The following NFX1 variants were observed in gnomAD, a reference collection of about 807,000 sequenced individuals.
NFX1 encodes the protein nuclear transcription factor, X-box binding 1.
Under a neutral mutation model 137.2 loss-of-function variants are expected in NFX1, and 69 were observed. That is an observed-to-expected ratio of 0.50 (90% confidence interval 0.41 to 0.61). The LOEUF is 0.61. Ranked by LOEUF, NFX1 falls within the 20% of genes least tolerant of loss-of-function variation. The probability of loss-of-function intolerance (pLI) is 0.00; values close to 1 mark genes in which losing one functional copy is unlikely to be tolerated. For synonymous variants in NFX1, 495 were observed against 474.1 expected (o/e 1.04, Z -0.57); for missense variants, 1,167 against 1,391.0 (o/e 0.84, Z 2.56).
intron 15 of NFX1, among the ~76,000 whole-genome samples, chr9:33,348,928 G>T (rs745829305): frequency 4.6e-5 from 7 of 151,120 alleles, no homozygotes; most frequent in Non-Finnish European, 8.8e-5. Flanking sequence ...GCATCATGAC[G>T]TATTGGCCAA....
intron 2 of NFX1, among the ~76,000 whole-genome samples, chr9:33,299,605 T>C (rs1361711013): frequency 6.6e-6 from 1 of 152,130 alleles, no homozygotes; most frequent in East Asian, 1.9e-4. Context: ...GGAGGATCGC[T>C]TGGGCCCAGG....
intron 2 of NFX1, 152 bp downstream of exon 2, chr9:33,295,579 AC>A: frequency 2.3e-6 from 2 of 876,208 alleles, no homozygotes; most frequent in South Asian, 1.9e-5. Flanking sequence ...AAGTTCTACC[AC>A]CACTCGCTGC....
rs74438074 is a variant in NFX1 at position 33,339,130 on chromosome 9, C to T, written c.2115+541C>T. Among the ~76,000 whole-genome samples the T allele has an allele frequency of 4.9e-4, 75 of 152,006 alleles. No homozygotes were observed. The East Asian group carries it at 0.013, about 26-fold the overall frequency. On this transcript the variant is annotated intron_variant, in intron 12 of 23. Transcript: ENST00000379540. ...ACTCTTTTATATATAAAAAATATAA[C>T]GTATGCTATATATGACATAACATGT...
rs375333719 is a variant in NFX1 at position 33,318,842 on chromosome 9, C to T, written c.1688+12C>T. ...AAGATATGTGGCAAGTAAGGTTTTACGTTTTCTTCAGTTGAACTAAAGCTG... is the reference window on the plus strand; with the variant it reads ...AAGATATGTGGCAAGTAAGGTTTTATGTTTTCTTCAGTTGAACTAAAGCTG... On this transcript the variant is annotated intron_variant, in intron 8 of 23. Transcript: ENST00000379540. 1.5e-4 allele frequency: 237 copies of T among 1,613,968 alleles called. No individual in the cohort carries two copies. The highest frequency in any genetic ancestry group is 1.9e-4 in the Non-Finnish European group (223 of 1,179,956).
chr9:33,303,320 C>T, intron 4 of NFX1, 52 bp downstream of exon 4: 1 of 1,495,490 alleles, frequency 6.7e-7, no homozygotes, highest in Non-Finnish European at 9.3e-7. Context: ...CATTGTACCT[C>T]AGTTCAGGAA....
chr9:33,293,756 C>T (rs1304352343), intron 1 of NFX1, among the ~76,000 whole-genome samples: 2 of 152,168 alleles, frequency 1.3e-5, no homozygotes, highest in Admixed American at 6.5e-5. Flanking sequence ...TTAATTTTTT[C>T]CACTTTGGGA....
At chr9:33,362,086 A>G (rs529914640) in intron 19 of NFX1, among the ~76,000 whole-genome samples, 5 of 150,130 alleles carry the variant, frequency 3.3e-5, no homozygotes, top group East Asian at 2.0e-4. Context: ...ATGCCACTGC[A>G]CTCCAGCCTG....
At chr9:33,357,858 A>G (rs1423613221) in intron 19 of NFX1, among the ~76,000 whole-genome samples, 1 of 151,832 alleles carries the variant, frequency 6.6e-6, no homozygotes, top group African/African-American at 2.4e-5. Flanking sequence ...TTCCACTTAT[A>G]TTTCACAATT....
intron 2 of NFX1, among the ~76,000 whole-genome samples, chr9:33,298,611 C>T (rs932188052): frequency 6.6e-6 from 1 of 152,162 alleles, no homozygotes; most frequent in Non-Finnish European, 1.5e-5. Flanking sequence ...GACCCCATCT[C>T]TGCAAAAGGC....
chr9:33,352,866 T>G, intron 17 of NFX1, 147 bp downstream of exon 17: 1 of 630,914 alleles, frequency 1.6e-6, no homozygotes, highest in East Asian at 2.8e-5. Flanking sequence ...TAAACACCAC[T>G]GCACAGATAC....
intron 2 of NFX1, among the ~76,000 whole-genome samples, chr9:33,300,253 T>A (rs543492777): frequency 3.3e-5 from 5 of 151,686 alleles, no homozygotes; most frequent in Non-Finnish European, 7.4e-5. Context: ...TTAGTAGAGA[T>A]GGGGTTTCAC....
intron 22 of NFX1, 24 bp from the exon 23 acceptor site, chr9:33,367,491 G>C (rs1409625389): frequency 6.2e-7 from 1 of 1,609,950 alleles, no homozygotes. Context: ...ACTTTTCAAT[G>C]CTTGGTGTTT....
chr9:33,306,101 G>A (rs1192537711), intron 4 of NFX1, among the ~76,000 whole-genome samples: 1 of 152,232 alleles, frequency 6.6e-6, no homozygotes, highest in African/African-American at 2.4e-5. Context: ...GAGGCAGGGA[G>A]GCTTTTGTGA....
chr9:33,345,375 G>A (rs893216741), intron 14 of NFX1, among the ~76,000 whole-genome samples: 3 of 151,640 alleles, frequency 2.0e-5, no homozygotes, highest in Non-Finnish European at 4.4e-5. Context: ...TACTTGGGAG[G>A]CTGAGGCAAG....
At chr9:33,340,032 A>T (rs1336111508) in intron 12 of NFX1, among the ~76,000 whole-genome samples, 2 of 152,168 alleles carry the variant, frequency 1.3e-5, no homozygotes, top group African/African-American at 2.4e-5. Context: ...CTGTCAGTGG[A>T]TCTCCCATTC....
At chr9:33,301,145 T>C (rs1821548209) in intron 2 of NFX1, 118 bp from the exon 3 acceptor site, 1 of 957,850 alleles carries the variant, frequency 1.0e-6, no homozygotes, top group African/African-American at 1.7e-5. Context: ...AGATATCCCT[T>C]AAAATCTCTG....
In NFX1 at chr9:33,295,098, G is replaced by T; in HGVS notation, c.704G>T (p.Arg235Leu). The T allele has an allele frequency of 1.2e-6, 2 of 1,614,146 alleles. No homozygotes were observed. The highest frequency in any genetic ancestry group is 1.1e-5 in the South Asian group (1 of 91,074). ...KGVLDGYGAR[R>L]NEQRRYPQKR... ...GTATTGGATGGGTATGGAGCCAGACGAAATGAGCAGAGAAGATACCCACAG... is the reference window on the plus strand; with the variant it reads ...GTATTGGATGGGTATGGAGCCAGACTAAATGAGCAGAGAAGATACCCACAG... Residue 235 changes from arginine to leucine, a missense_variant, in exon 2 of 24, where the codon CGA becomes CTA. Physicochemically the swap from Arg to Leu is moderately radical, Grantham distance 102. This residue lies in a region of NFX1 where 367 missense variants were observed against 386.7 expected (regional missense o/e 0.95). Transcript: ENST00000379540.
chr9:33,358,915 T>G lies in NFX1; in HGVS notation c.2873+4023T>G, dbSNP rs567635996. On this transcript the variant is annotated intron_variant, in intron 19 of 23. Coordinates refer to ENST00000379540, the MANE Select transcript of NFX1 (RefSeq NM_002504.6). ...CATCTCGCTATGTTGGCCAGGCTGGTCTCACATTCCTGGGCTCAAGCAATC... is the reference window on the plus strand; with the variant it reads ...CATCTCGCTATGTTGGCCAGGCTGGGCTCACATTCCTGGGCTCAAGCAATC... Among the ~76,000 whole-genome samples the G allele has an allele frequency of 9.5e-4, 144 of 151,566 alleles. 1 individual carries two copies. Among genetic ancestry groups the G allele is most frequent in the African/African-American group, 3.4e-3 (141 of 41,340 alleles).
At chr9:33,351,238 G>A (rs893099253) in intron 15 of NFX1, among the ~76,000 whole-genome samples, 12 of 151,986 alleles carry the variant, frequency 7.9e-5, no homozygotes, top group African/African-American at 2.7e-4. Flanking sequence ...CGGGTGGATC[G>A]CTTCCACTCA....
Sources: allele counts gnomAD v4.1 joint callset (sites outside exome capture counted in the v4.1 genomes callset), GRCh38; gene constraint gnomAD v4.1.1; regional missense constraint gnomAD v4.1.1; transcripts MANE v1.5; gene names NCBI Gene and HGNC (gene_info 2026-07-23, HGNC 2026-07-21).